The following LIMCH1 variants were observed in gnomAD, a reference collection of about 807,000 sequenced individuals.
LIMCH1 encodes LIM and calponin homology domains-containing protein 1.
In LIMCH1, 113 loss-of-function variants were observed where a neutral mutation model predicts 176.5. The observed-to-expected ratio is 0.64, with a 90% confidence interval of 0.55 to 0.75. The LOEUF (loss-of-function observed/expected upper bound fraction) is 0.75, where lower values mean the gene tolerates loss of function less well. LIMCH1 is among the 30% of genes least tolerant of loss of function. The pLI is 0.00. For synonymous variants in LIMCH1, 619 were observed against 645.9 expected, an observed-to-expected ratio of 0.96 and a Z score of 0.63; for missense variants, 1,674 against 1,814.9, an observed-to-expected ratio of 0.92 and a Z score of 1.41.
At chr4:41,555,660 C>A (rs939362872) in intron 1 of LIMCH1, among the ~76,000 whole-genome samples, 1 of 152,054 alleles carries the variant, frequency 6.6e-6, no homozygotes, top group South Asian at 2.1e-4. Flanking sequence ...GTAAAACAAA[C>A]AAGAATTTTT....
At chr4:41,473,182 T>C (rs923086030) in intron 1 of LIMCH1, 1 of 984,744 alleles carries the variant, frequency 1.0e-6, no homozygotes, top group Non-Finnish European at 1.2e-6. Flanking sequence ...ATACCGAGAG[T>C]GAGAAGAGGA....
intron 1 of LIMCH1, among the ~76,000 whole-genome samples, chr4:41,567,080 C>T (rs35778605): frequency 0.019 from 2,958 of 152,290 alleles, 45 homozygotes; most frequent in Non-Finnish European, 0.026. Flanking sequence ...CTAGCAAGGG[C>T]TCTGCCCAGT....
chr4:41,596,393 G>A (rs1453336615), intron 1 of LIMCH1, among the ~76,000 whole-genome samples: 1 of 152,088 alleles, frequency 6.6e-6, no homozygotes. Context: ...AAGCAAGTAA[G>A]ACTGGCATGG....
chr4:41,562,183 C>A (rs1017496224), intron 1 of LIMCH1, among the ~76,000 whole-genome samples: 1 of 152,152 alleles, frequency 6.6e-6, no homozygotes, highest in Non-Finnish European at 1.5e-5. Context: ...GGCCCATCAA[C>A]CTCTCTCCAC....
chr4:41,479,208 T>A (rs371923778), intron 1 of LIMCH1, among the ~76,000 whole-genome samples: 43 of 152,330 alleles, frequency 2.8e-4, no homozygotes, highest in African/African-American at 1.0e-3. Flanking sequence ...AGTATGCATC[T>A]CCAAAGTGCA....
At chr4:41,650,744 T>A in intron 18 of LIMCH1, 136 bp downstream of exon 18, 1 of 725,650 alleles carries the variant, frequency 1.4e-6, no homozygotes, top group Non-Finnish European at 2.2e-6. Flanking sequence ...CTGCTGTAAG[T>A]ACCACAAACT....
chr4:41,663,279 G>C (rs111926037), intron 20 of LIMCH1, among the ~76,000 whole-genome samples: 1 of 151,890 alleles, frequency 6.6e-6, no homozygotes, highest in East Asian at 1.9e-4. Context: ...TTAGGCTCCC[G>C]AGTAGCTGGG....
chr4:41,407,491 A>G (rs2059085510), intron 1 of LIMCH1, among the ~76,000 whole-genome samples: 2 of 152,162 alleles, frequency 1.3e-5, no homozygotes, highest in South Asian at 4.2e-4. Flanking sequence ...TGGCCTCCCA[A>G]AGTGCCGGGT....
intron 1 of LIMCH1, among the ~76,000 whole-genome samples, chr4:41,589,079 CTAGACT>C (rs138518537): frequency 0.011 from 1,611 of 152,142 alleles, 41 homozygotes; most frequent in African/African-American, 0.037. Flanking sequence ...ATGCAGTGGC[CTAGACT>C]GGATCATGAA....
At chr4:41,450,562 G>C (rs1375791990) in intron 1 of LIMCH1, among the ~76,000 whole-genome samples, 1 of 151,902 alleles carries the variant, frequency 6.6e-6, no homozygotes, top group African/African-American at 2.4e-5. Context: ...AGCACTTTGG[G>C]AGGCTGAGGC....
intron 1 of LIMCH1, among the ~76,000 whole-genome samples, chr4:41,562,090 A>G (rs1426481376): frequency 6.6e-6 from 1 of 152,054 alleles, no homozygotes; most frequent in Non-Finnish European, 1.5e-5. Flanking sequence ...TAGCCAAGGT[A>G]CCCTTTTTCA....
At chr4:41,419,657 CTTCCT>C (rs2060375727) in intron 1 of LIMCH1, among the ~76,000 whole-genome samples, 1 of 75,342 alleles carries the variant, frequency 1.3e-5, no homozygotes, top group South Asian at 5.3e-4. Context: ...TTCCTCCTTC[CTTCCT>C]TCCTTCCTTC....
At chr4:41,599,812 G>A (rs2089601356) in intron 2 of LIMCH1, among the ~76,000 whole-genome samples, 1 of 152,106 alleles carries the variant, frequency 6.6e-6, no homozygotes, top group Non-Finnish European at 1.5e-5. Flanking sequence ...TGTTTTTGGA[G>A]TCATTTTATC....
In LIMCH1 at chr4:41,623,468, C is replaced by T. The variant is rs1318074813; in HGVS notation, c.725+2778C>T. Among the ~76,000 whole-genome samples the T allele has an allele frequency of 2.6e-5, 4 of 152,242 alleles. No homozygotes were observed. The East Asian group carries it at 5.8e-4, about 22-fold the overall frequency. On this transcript the variant is annotated intron_variant, in intron 7 of 31. Transcript: ENST00000503057. The stretch of plus-strand genomic sequence containing the variant: ...CTTGTTTCCCAAGTATTCTTAAACA[C>T]CTTGCTAGGCTGGGTGCGGTGGCCC...
chr4:41,659,638 T>TA lies in LIMCH1; in HGVS notation c.3037-1780dup, dbSNP rs1284074559. On this transcript the variant is annotated intron_variant, in intron 18 of 31. Transcript: ENST00000503057. ...CCCATGGGGATATTTTATGAGTTAA[T>TA]AATGCCTTTTCTGAAACCAACTTTA... 3.3e-5 allele frequency among the ~76,000 whole-genome samples: 5 copies of TA among 152,158 alleles called. No individual in the cohort carries two copies. In the East Asian group the frequency reaches 7.7e-4, roughly 23 times the overall value.
At chr4:41,570,993 G>C (rs908045070) in intron 1 of LIMCH1, among the ~76,000 whole-genome samples, 1 of 152,158 alleles carries the variant, frequency 6.6e-6, no homozygotes, top group Non-Finnish European at 1.5e-5. Flanking sequence ...CCTTGGATTA[G>C]CAAGTAAGGA....
chr4:41,499,829 A>G (rs529929219), intron 2 of LIMCH1, among the ~76,000 whole-genome samples: 3 of 152,314 alleles, frequency 2.0e-5, no homozygotes, highest in South Asian at 2.1e-4. Context: ...AAAAGAAAAA[A>G]AAAATCTAAG....
At chr4:41,656,844 G>A (rs920417677) in intron 18 of LIMCH1, among the ~76,000 whole-genome samples, 7 of 152,140 alleles carry the variant, frequency 4.6e-5, no homozygotes, top group African/African-American at 1.7e-4. Flanking sequence ...TGATCAGTCC[G>A]AGCTCACCAG....
chr4:41,580,204 T>TGAC (rs2085184113), intron 1 of LIMCH1, among the ~76,000 whole-genome samples: 1 of 152,028 alleles, frequency 6.6e-6, no homozygotes, highest in Admixed American at 6.5e-5. Context: ...AAGATCATGG[T>TGAC]CAGTGTATAA....
Sources: allele counts gnomAD v4.1 joint callset (sites outside exome capture counted in the v4.1 genomes callset), GRCh38; gene constraint gnomAD v4.1.1; transcripts MANE v1.5; gene names NCBI Gene and HGNC (gene_info 2026-07-23, HGNC 2026-07-21).